The following PLA2G4A variants were observed in gnomAD, a reference collection of about 807,000 sequenced individuals.
PLA2G4A encodes phospholipase A2 group IVA.
PLA2G4A carries 40 observed loss-of-function variants against 81.9 expected under a neutral mutation model. That is an observed-to-expected ratio of 0.49 (90% CI 0.38 to 0.64). The LOEUF (loss-of-function observed/expected upper bound fraction) is 0.64. Among genes scored for constraint, PLA2G4A ranks in the 30% least tolerant of loss-of-function variants. The pLI is 0.00. For synonymous variants in PLA2G4A, 302 were observed against 296.9 expected (o/e 1.02, Z -0.18); for missense variants, 715 against 905.1 (o/e 0.79, Z 2.69).
intron 2 of PLA2G4A, among the ~76,000 whole-genome samples, chr1:186,860,889 T>A (rs567864446): frequency 1.3e-5 from 2 of 152,320 alleles, no homozygotes; most frequent in African/African-American, 4.8e-5. Context: ...ATACTCCCAG[T>A]TCCATATAGT....
intron 7 of PLA2G4A, among the ~76,000 whole-genome samples, chr1:186,932,301 T>A (rs574937944): frequency 6.6e-6 from 1 of 151,200 alleles, no homozygotes; most frequent in African/African-American, 2.4e-5. Context: ...TTTCTTTTTT[T>A]TTTTTTCTTT....
At chr1:186,942,406 T>C (rs1458154455) in intron 10 of PLA2G4A, among the ~76,000 whole-genome samples, 2 of 152,188 alleles carry the variant, frequency 1.3e-5, no homozygotes, top group African/African-American at 4.8e-5. Flanking sequence ...TTAAAAGCCT[T>C]GTCTTACAAT....
At chr1:186,892,041 A>G (rs960931893) in intron 3 of PLA2G4A, among the ~76,000 whole-genome samples, 2 of 152,172 alleles carry the variant, frequency 1.3e-5, no homozygotes, top group East Asian at 1.9e-4. Context: ...TCTTATGATT[A>G]ATGATGTTCA....
chr1:186,870,625 G>C (rs1653226559), intron 3 of PLA2G4A, 109 bp downstream of exon 3: 2 of 1,188,852 alleles, frequency 1.7e-6, no homozygotes, highest in South Asian at 2.5e-5. Context: ...ATGTGGTTAT[G>C]TTTGTCTAGA....
chr1:186,983,579 G>A (rs1314020117), intron 17 of PLA2G4A, among the ~76,000 whole-genome samples: 1 of 152,162 alleles, frequency 6.6e-6, no homozygotes, highest in East Asian at 1.9e-4. Context: ...TTCTGCTCAC[G>A]TCATGACAGC....
chr1:186,933,547 A>G (rs1477748992), intron 8 of PLA2G4A, among the ~76,000 whole-genome samples: 1 of 152,142 alleles, frequency 6.6e-6, no homozygotes, highest in East Asian at 1.9e-4. Context: ...TGGTTTGCTT[A>G]CCTCACATAA....
intron 8 of PLA2G4A, among the ~76,000 whole-genome samples, chr1:186,934,157 C>T (rs1463984965): frequency 6.6e-6 from 1 of 152,000 alleles, no homozygotes; most frequent in Admixed American, 6.6e-5. Flanking sequence ...TTCACCTACT[C>T]AATCATTTTG....
At chr1:186,939,879 A>C in intron 9 of PLA2G4A, 101 bp from the exon 10 acceptor site, 1 of 682,122 alleles carries the variant, frequency 1.5e-6, no homozygotes, top group African/African-American at 1.8e-5. Flanking sequence ...TATTTTTATT[A>C]TAAAGTTATA....
At chr1:186,919,114 C>A (rs1655253990) in intron 7 of PLA2G4A, among the ~76,000 whole-genome samples, 1 of 152,188 alleles carries the variant, frequency 6.6e-6, no homozygotes, top group South Asian at 2.1e-4. Context: ...AGGGCTGGGG[C>A]CGACATAAGT....
chr1:186,946,562 G>C (rs147136819), intron 10 of PLA2G4A, 75 bp from the exon 11 acceptor site: 1 of 995,750 alleles, frequency 1.0e-6, no homozygotes, highest in Non-Finnish European at 1.6e-6. Context: ...CATTATTAAA[G>C]TGATCATTAA....
At chr1:186,946,518 G>C in intron 10 of PLA2G4A, 119 bp from the exon 11 acceptor site, 11 of 808,656 alleles carry the variant, frequency 1.4e-5, no homozygotes, top group Non-Finnish European at 2.1e-5. Flanking sequence ...TTTTCATTTT[G>C]ATATTTTAAA....
intron 7 of PLA2G4A, among the ~76,000 whole-genome samples, chr1:186,927,443 A>C (rs1016354377): frequency 1.3e-5 from 2 of 152,164 alleles, no homozygotes; most frequent in African/African-American, 4.8e-5. Context: ...TTCAGATTAC[A>C]GTTGTGTCTG....
At chr1:186,856,322 A>G (rs1226576629) in intron 2 of PLA2G4A, among the ~76,000 whole-genome samples, 2 of 150,774 alleles carry the variant, frequency 1.3e-5, no homozygotes, top group Admixed American at 6.6e-5. Context: ...TTTTATATGT[A>G]TTTTTTGATA....
At chr1:186,844,099 T>C (rs981925745) in intron 1 of PLA2G4A, among the ~76,000 whole-genome samples, 17 of 152,218 alleles carry the variant, frequency 1.1e-4, no homozygotes, top group African/African-American at 4.1e-4. Flanking sequence ...GGTTCCAGGC[T>C]CAAGAAACAG....
intron 2 of PLA2G4A, 33 bp from the exon 3 acceptor site, chr1:186,870,402 C>G: frequency 7.8e-7 from 1 of 1,287,934 alleles, no homozygotes; most frequent in Non-Finnish European, 1.1e-6. Flanking sequence ...ATGTTGGAAG[C>G]TTATTTTAAA....
At position 186,857,127 on chromosome 1, in the gene PLA2G4A, AATAT is replaced by A. The variant is rs559879350; in HGVS notation, c.33+2745_33+2748del. 2.7e-3 allele frequency among the ~76,000 whole-genome samples: 116 copies of A among 43,068 alleles called. 4 individuals carry two copies. Among genetic ancestry groups the A allele is most frequent in the African/African-American group, 0.014 (107 of 7,890 alleles). The allele number at this position is 43,068 out of a possible 152,430, so 28.3% of individuals were successfully genotyped here. On this transcript the variant is annotated intron_variant, in intron 2 of 17. Coordinates refer to ENST00000367466, the MANE Select transcript of PLA2G4A (RefSeq NM_024420.3). ...ATTATATAATTATATAATATTCTAT[AATAT>A]ATATTATATAATTATATAATTACAT...
At chr1:186,932,487 G>A (rs1052773720) in intron 7 of PLA2G4A, among the ~76,000 whole-genome samples, 6 of 151,838 alleles carry the variant, frequency 4.0e-5, no homozygotes, top group African/African-American at 7.3e-5. Context: ...TTTTTGTAGA[G>A]ATGGGGTTTC....
chr1:186,977,888 C>T, intron 16 of PLA2G4A, 100 bp downstream of exon 16: 1 of 822,512 alleles, frequency 1.2e-6, no homozygotes, highest in Admixed American at 1.7e-5. Context: ...CCAGCTATTA[C>T]ACTATTGAAT....
chr1:186,983,578 C>T (rs1005750100), intron 17 of PLA2G4A, among the ~76,000 whole-genome samples: 1 of 152,208 alleles, frequency 6.6e-6, no homozygotes, highest in Admixed American at 6.5e-5. Flanking sequence ...TTTCTGCTCA[C>T]GTCATGACAG....
Sources: allele counts gnomAD v4.1 joint callset (sites outside exome capture counted in the v4.1 genomes callset), GRCh38; gene constraint gnomAD v4.1.1; transcripts MANE v1.5; gene names NCBI Gene and HGNC (gene_info 2026-07-23, HGNC 2026-07-21).